SPDYE16: variants seen among roughly 807,000 people sequenced by gnomAD.
SPDYE16 encodes speedy protein E16.
A neutral mutation model predicts 40.1 loss-of-function variants in SPDYE16; 5 were observed. That is an observed-to-expected ratio of 0.12 (90% CI 0.07 to 0.26). SPDYE16 has a LOEUF of 0.26. SPDYE16 is among the 10% of genes least tolerant of loss of function. The pLI is 1.00. For synonymous variants in SPDYE16, 40 were observed against 154.2 expected, an observed-to-expected ratio of 0.26 and a Z score of 5.49; for missense variants, 98 against 409.8, an observed-to-expected ratio of 0.24 and a Z score of 6.57.
chr7:76,538,327 A>G (rs1356505822), intron 4 of SPDYE16, among the ~76,000 whole-genome samples: 1 of 104,906 alleles, frequency 9.5e-6, no homozygotes, highest in Non-Finnish European at 2.0e-5. Flanking sequence ...CAGCCTCCCA[A>G]CGTGCTAGGA....
chr7:76,538,613 G>A lies in SPDYE16; in HGVS notation c.583C>T (p.His195Tyr). The A allele has an allele frequency of 1.9e-6, 2 of 1,036,752 alleles. 1 individual carries two copies. Among genetic ancestry groups the A allele is most frequent in the South Asian group, 3.4e-5 (2 of 58,082 alleles). The allele number at this position is 1,036,752 out of a possible 1,614,324, so 64.2% of individuals were successfully genotyped here. Residue 195 changes from histidine (H) to tyrosine (Y), a missense_variant, in exon 4 of 9, where the codon CAC becomes TAC. Physicochemically the swap from His to Tyr is moderately conservative, Grantham distance 83. Transcript: ENST00000633306. ...RRRVSLVLPE[H>Y]HEAFNRLLED... ...AGCAGCCTGTTGAAGGCCTCGTGGTGCTCAGGGAGCACGAGCGACACTCGC... is the reference window on the plus strand; with the variant it reads ...AGCAGCCTGTTGAAGGCCTCGTGGTACTCAGGGAGCACGAGCGACACTCGC...
rs572316205 is a variant in SPDYE16 at position 76,539,796 on chromosome 7, A to G, written c.379+332T>C. On this transcript the variant is annotated intron_variant, in intron 3 of 8. Transcript: ENST00000633306. ...TGCTCTGTCACCCAGGCTGGAGTGC[A>G]GTGGTGCAGTCATAGCTCACTGCAG... 7.0e-5 allele frequency among the ~76,000 whole-genome samples: 8 copies of G among 113,742 alleles called. 2 individuals are homozygous for G. The highest frequency in any genetic ancestry group is 1.1e-4 in the Non-Finnish European group (6 of 57,116). 74.6% of individuals were successfully genotyped at this position (113,742 alleles called of 152,430 possible).
At position 76,541,285 on chromosome 7, in the gene SPDYE16, C is replaced by T; in HGVS notation, c.160+15G>A. 4 of 1,533,608 alleles carry T rather than the reference C, an allele frequency of 2.6e-6. No homozygotes were observed. The highest frequency in any genetic ancestry group is 3.5e-6 in the Non-Finnish European group (4 of 1,146,450). ...GTCAATCCTATCCCACCTCTTCTTC[C>T]ACCAGTCCCCTCACCTGATGATCCC... On this transcript the variant is annotated intron_variant, in intron 2 of 8. Transcript: ENST00000633306.
chr7:76,540,231 C>A lies in SPDYE16; in HGVS notation c.276G>T (p.Glu92Asp). 1 of 1,465,498 alleles carries A rather than the reference C, an allele frequency of 6.8e-7. No individual in the cohort carries two copies. The highest frequency in any genetic ancestry group is 9.2e-7 in the Non-Finnish European group (1 of 1,088,010). 90.8% of individuals were successfully genotyped at this position (1,465,498 alleles called of 1,614,324 possible). The change falls in exon 3 of 9, where the codon GAG becomes GAT. Residue 92 changes from glutamate (E) to aspartate (D), a missense_variant. Glu to Asp is a conservative substitution (Grantham distance 45). Transcript: ENST00000633306. ...CACACAGCATCTCCACTACCCAGGTCTCCTCAGGCTCAGGGGCGAGCTCCT... is the reference window on the plus strand; with the variant it reads ...CACACAGCATCTCCACTACCCAGGTATCCTCAGGCTCAGGGGCGAGCTCCT... ...PEKELAPEPE[E>D]TWVVEMLCGL...
rs561926488 is a variant in SPDYE16 at position 76,533,435 on chromosome 7, G to A, written c.*45+214C>T. On this transcript the variant is annotated intron_variant, in intron 8 of 8. Transcript: ENST00000633306. ...CAGGATCAGGGCTCCGTGCAGCCCC[G>A]ACCTTCCAGGCTCCAGCGATCCTCC... The A allele has an allele frequency of 3.7e-3, 2,425 of 663,800 alleles. 321 individuals carry two copies. The East Asian group carries it at 0.048, about 13-fold the overall frequency. The allele number at this position is 663,800 out of a possible 1,614,324, so 41.1% of individuals were successfully genotyped here. A position where few individuals can be genotyped will look rare whatever the true frequency, so the allele number is the denominator to read the frequency against.
intron 1 of SPDYE16, among the ~76,000 whole-genome samples, chr7:76,542,535 TG>T (rs1484713693): frequency 2.8e-5 from 4 of 145,058 alleles, no homozygotes; most frequent in African/African-American, 1.0e-4. Context: ...GGCTCCTGCT[TG>T]TAATCCCAGC....
In SPDYE16 at chr7:76,541,449, G is replaced by T; in HGVS notation, c.11C>A (p.Thr4Lys). The part of the protein sequence containing the change: MDR[T>K]ETRFRKRGQI... Reference sequence around the variant, plus strand: ...TCCCCTCTTACGGAACCTAGTCTCCGTTCTGTCCATGGCCTTCTTCTGGAC... The same window carrying T: ...TCCCCTCTTACGGAACCTAGTCTCCTTTCTGTCCATGGCCTTCTTCTGGAC... Residue 4 changes from threonine to lysine, a missense_variant, in exon 2 of 9, where the codon ACG becomes AAG. Physicochemically the swap from Thr to Lys is moderately conservative, Grantham distance 78. Coordinates refer to ENST00000633306, the MANE Select transcript of SPDYE16 (RefSeq NM_001394943.1). 4 of 1,534,568 alleles carry T rather than the reference G, an allele frequency of 2.6e-6. No homozygotes were observed. The highest frequency in any genetic ancestry group is 3.5e-6 in the Non-Finnish European group (4 of 1,146,614).
Position 76,531,964 on chromosome 7 carries a change from T to C in SPDYE16, c.*876A>G, listed in dbSNP as rs1463498631. ...TCTGAGACATGTTAAAAATCACAAC[T>C]GAATTCTCACAATTCAGTCACAGAC... On this transcript the variant is annotated 3_prime_UTR_variant, in exon 9 of 9. Transcript: ENST00000633306. 29 of 81,212 alleles carry C rather than the reference T, an allele frequency of 3.6e-4. 11 individuals are homozygous for C. Among genetic ancestry groups the C allele is most frequent in the Non-Finnish European group, 4.1e-4 (17 of 41,886 alleles). 5.0% of individuals were successfully genotyped at this position (81,212 alleles called of 1,614,324 possible).
intron 5 of SPDYE16, among the ~76,000 whole-genome samples, chr7:76,537,049 C>G (rs1813053410): frequency 3.4e-5 from 2 of 59,654 alleles, no homozygotes; most frequent in South Asian, 1.1e-3. Flanking sequence ...TGCCAAGACT[C>G]AAGACCGTGG....
Position 76,533,664 on chromosome 7 carries a change from T to C in SPDYE16, c.*30A>G. ...GCAGATGTACCTTCTCTCAGGCCGA[T>C]GACCTCAGGCCTCCACGGTCCCTGG... On this transcript the variant is annotated 3_prime_UTR_variant, in exon 8 of 9. Coordinates refer to ENST00000633306, the MANE Select transcript of SPDYE16 (RefSeq NM_001394943.1). The C allele has an allele frequency of 9.4e-7, 1 of 1,062,230 alleles. No homozygotes were observed. The highest frequency in any genetic ancestry group is 1.3e-6 in the Non-Finnish European group (1 of 784,070). The allele number at this position is 1,062,230 out of a possible 1,614,324, so 65.8% of individuals were successfully genotyped here. A position where few individuals can be genotyped will look rare whatever the true frequency, so the allele number is the denominator to read the frequency against.
At position 76,531,978 on chromosome 7, in the gene SPDYE16, T is replaced by A. The variant is rs1394073655; in HGVS notation, c.*862A>T. 1 of 81,108 alleles carries A rather than the reference T, an allele frequency of 1.2e-5. No homozygotes were observed. The highest frequency in any genetic ancestry group is 2.4e-5 in the Non-Finnish European group (1 of 41,780). 5.0% of individuals were successfully genotyped at this position (81,108 alleles called of 1,614,324 possible). ...AAAATCACAACTGAATTCTCACAAT[T>A]CAGTCACAGACCTAAACAGCAAATA... On this transcript the variant is annotated 3_prime_UTR_variant, in exon 9 of 9. Transcript: ENST00000633306.
intron 3 of SPDYE16, among the ~76,000 whole-genome samples, chr7:76,539,848 C>T (rs1813131898): frequency 8.7e-6 from 1 of 114,718 alleles, no homozygotes; most frequent in Admixed American, 8.3e-5. Context: ...TCAAGCAATC[C>T]TCTTGCCTCA....
chr7:76,537,278 A>G (rs1169798781), intron 5 of SPDYE16, among the ~76,000 whole-genome samples: 1 of 54,536 alleles, frequency 1.8e-5, no homozygotes, highest in African/African-American at 9.3e-5. Context: ...CCCGGGAGGC[A>G]TCGGCTGCAG....
chr7:76,542,320 T>A (rs2116729204), intron 1 of SPDYE16, among the ~76,000 whole-genome samples: 1 of 151,978 alleles, frequency 6.6e-6, no homozygotes, highest in East Asian at 1.9e-4. Context: ...CACACATATT[T>A]CCAATGGTGT....
In SPDYE16 at chr7:76,541,385, G is replaced by T. The variant is rs1359372437; in HGVS notation, c.75C>A (p.His25Gln). The change falls in exon 2 of 9, where the codon CAC (histidine) becomes CAA (glutamine). Residue 25 changes from histidine to glutamine, a missense_variant. By Grantham distance (24) the His-to-Gln change is conservative (BLOSUM62 0). Transcript: ENST00000633306. Reference sequence around the variant, plus strand: ...GCTGGGGACTCTGCTCATTCTGGGGGTGAGGTTGACGGCTGGTCGTGATCT... The same window carrying T: ...GCTGGGGACTCTGCTCATTCTGGGGTTGAGGTTGACGGCTGGTCGTGATCT... ...KGKITTSRQP[H>Q]PQNEQSPQRS... 3.9e-6 allele frequency: 6 copies of T among 1,534,564 alleles called. No individual in the cohort carries two copies. The highest frequency in any genetic ancestry group is 2.0e-5 in the Admixed American group (1 of 50,946).
At chr7:76,542,150 A>G (rs1813211740) in intron 1 of SPDYE16, among the ~76,000 whole-genome samples, 1 of 151,494 alleles carries the variant, frequency 6.6e-6, no homozygotes, top group African/African-American at 2.4e-5. Context: ...AAAAAGTCAC[A>G]TCAGAGCACT....
rs1812937561 is a variant in SPDYE16, at chr7:76,532,071, A to G, written c.*769T>C. On this transcript the variant is annotated 3_prime_UTR_variant, in exon 9 of 9. Coordinates refer to ENST00000633306, the MANE Select transcript of SPDYE16 (RefSeq NM_001394943.1). ...CTACCAATAGCTATAAATAGAAGAGATTATTATGGAAATATCATAGATAAA... is the reference window on the plus strand; with the variant it reads ...CTACCAATAGCTATAAATAGAAGAGGTTATTATGGAAATATCATAGATAAA... 3.8e-5 allele frequency: 3 copies of G among 79,656 alleles called. 1 individual carries two copies. The South Asian group carries it at 1.3e-3, about 35-fold the overall frequency. 4.9% of individuals were successfully genotyped at this position (79,656 alleles called of 1,614,324 possible).
At position 76,539,412 on chromosome 7, in the gene SPDYE16, G is replaced by A. The variant is rs1311653463; in HGVS notation, c.380-596C>T. ...CATTCTTCCCACACACCCTCCTCACGTGCTCCTTCCTGACTTCTGGGCCCG... is the reference window on the plus strand; with the variant it reads ...CATTCTTCCCACACACCCTCCTCACATGCTCCTTCCTGACTTCTGGGCCCG... On this transcript the variant is annotated intron_variant, in intron 3 of 8. Transcript: ENST00000633306. 1.2e-4 allele frequency among the ~76,000 whole-genome samples: 11 copies of A among 89,888 alleles called. 2 individuals carry two copies. Among genetic ancestry groups the A allele is most frequent in the Admixed American group, 1.2e-3 (11 of 9,064 alleles). 59.0% of individuals were successfully genotyped at this position (89,888 alleles called of 152,430 possible).
intron 2 of SPDYE16, among the ~76,000 whole-genome samples, chr7:76,540,686 C>T (rs1285000693): frequency 9.6e-6 from 1 of 103,648 alleles, no homozygotes; most frequent in Non-Finnish European, 1.9e-5. Context: ...CAACATCCAT[C>T]TCCTGGATTC....
Sources: allele counts gnomAD v4.1 joint callset (sites outside exome capture counted in the v4.1 genomes callset), GRCh38; gene constraint gnomAD v4.1.1; transcripts MANE v1.5; gene names NCBI Gene and HGNC (gene_info 2026-07-23, HGNC 2026-07-21).